Variants in FMO1 observed in about 807,000 individuals in gnomAD.
FMO1 encodes flavin containing dimethylaniline monoxygenase 1, also known as flavin-containing monooxygenase 1.
In FMO1, 36 loss-of-function variants were observed where a neutral mutation model predicts 45.4. That is an observed-to-expected ratio of 0.79 (90% CI 0.61 to 1.05). FMO1 has a LOEUF of 1.05. Ranked by LOEUF, FMO1 falls within the 50% of genes least tolerant of loss-of-function variation. The pLI is 0.00. For synonymous variants in FMO1, 228 were observed against 227.2 expected, an observed-to-expected ratio of 1.00 and a Z score of -0.03; for missense variants, 615 against 640.3, an observed-to-expected ratio of 0.96 and a Z score of 0.43.
chr1:171,263,394 C>G (rs1323119611), intron 2 of FMO1, among the ~76,000 whole-genome samples: 2 of 152,100 alleles, frequency 1.3e-5, no homozygotes, highest in Non-Finnish European at 2.9e-5. Flanking sequence ...GAGTATGAAC[C>G]TAGGCAGTCT....
At chr1:171,275,570 G>A (rs1217497893) in intron 4 of FMO1, 62 bp downstream of exon 4, 3 of 1,238,380 alleles carry the variant, frequency 2.4e-6, no homozygotes, top group Non-Finnish European at 3.5e-6. Flanking sequence ...ATGCTTGATT[G>A]GTCTGGGAAT....
At chr1:171,271,534 A>C (rs780656566) in intron 3 of FMO1, 1 of 840,586 alleles carries the variant, frequency 1.2e-6, no homozygotes, top group Non-Finnish European at 2.1e-6. Flanking sequence ...GTTTGCACAA[A>C]AAATGCATAT....
At chr1:171,254,723 C>T (rs1660075865) in intron 1 of FMO1, among the ~76,000 whole-genome samples, 1 of 152,196 alleles carries the variant, frequency 6.6e-6, no homozygotes, top group African/African-American at 2.4e-5. Flanking sequence ...CCCCTACTCT[C>T]AGTGCTCCCT....
chr1:171,285,050 G>T, intron 8 of FMO1, 152 bp from the exon 9 acceptor site: 1 of 514,502 alleles, frequency 1.9e-6, no homozygotes, highest in Non-Finnish European at 3.4e-6. Flanking sequence ...GAAACAGAAG[G>T]AGACCGTTAG....
At chr1:171,278,928 A>C (rs1211051396) in intron 5 of FMO1, 57 bp downstream of exon 5, 3 of 1,414,786 alleles carry the variant, frequency 2.1e-6, no homozygotes, top group Admixed American at 4.2e-5. Flanking sequence ...TGCCTCAAGC[A>C]AATGGTGTTT....
At chr1:171,248,734 T>A (rs186081547) in intron 1 of FMO1, 111 bp downstream of exon 1, 2 of 152,160 alleles carry the variant, frequency 1.3e-5, no homozygotes, top group Non-Finnish European at 2.9e-5. Flanking sequence ...AGAAAGCAGC[T>A]TTCTCTGTCC....
At chr1:171,257,701 C>A (rs1660218324) in intron 1 of FMO1, 1 of 250,926 alleles carries the variant, frequency 4.0e-6, no homozygotes, top group African/African-American at 2.3e-5. Flanking sequence ...TTGTGTCTGA[C>A]AAGGTGACCT....
intron 7 of FMO1, chr1:171,282,786 G>A (rs1661421647): frequency 7.8e-6 from 2 of 256,592 alleles, no homozygotes; most frequent in Non-Finnish European, 1.5e-5. Context: ...ACAGCTACCT[G>A]TTATTTTGAC....
chr1:171,261,413 C>G (rs868658976), intron 2 of FMO1, among the ~76,000 whole-genome samples: 1 of 152,106 alleles, frequency 6.6e-6, no homozygotes, highest in African/African-American at 2.4e-5. Context: ...AAAACCCTGC[C>G]CTGGCAATGG....
Position 171,249,045 on chromosome 1 carries a change from A to AGT in FMO1, c.-7+422_-7+423insGT, listed in dbSNP as rs1292335864. ...ATAGTTTTTGAAGGGTGACTACCAA[A>AGT]TGTTGGCATTTGGCACAAGTGGGAA... is the stretch of plus-strand genomic sequence containing the variant. On this transcript the variant is annotated intron_variant, in intron 1 of 8. Transcript: ENST00000617670. 4.6e-5 allele frequency among the ~76,000 whole-genome samples: 7 copies of AGT among 151,848 alleles called. No homozygotes were observed. In the East Asian group the frequency reaches 9.8e-4, roughly 21 times the overall value.
At chr1:171,276,720 C>T (rs1480689047) in intron 4 of FMO1, among the ~76,000 whole-genome samples, 1 of 152,174 alleles carries the variant, frequency 6.6e-6, no homozygotes, top group African/African-American at 2.4e-5. Flanking sequence ...GGAGAAATCA[C>T]AGTCTGCATA....
chr1:171,253,893 AGTTGT>A (rs1417726054), intron 1 of FMO1: 20 of 152,196 alleles, frequency 1.3e-4, no homozygotes, highest in Non-Finnish European at 2.4e-4. Context: ...TTTAACAAAA[AGTTGT>A]GTATTTTTTA....
rs1661607645 is a variant in FMO1 at position 171,285,894 on chromosome 1, GA to G, written c.*351del. ...AACTAAAACCCCTTACTTCACAAAT[GA>G]TTGTGTTGTGCTGAAATGGTGCTCT... On this transcript the variant is annotated 3_prime_UTR_variant, in exon 9 of 9. Coordinates refer to ENST00000617670, the MANE Select transcript of FMO1 (RefSeq NM_001282693.2). The G allele has an allele frequency of 5.7e-6, 1 of 175,224 alleles. No homozygotes were observed. Among genetic ancestry groups the G allele is most frequent in the South Asian group, 2.0e-4 (1 of 5,050 alleles). The allele number at this position is 175,224 out of a possible 1,614,324, so 10.9% of individuals were successfully genotyped here.
At chr1:171,254,576 T>C (rs1190293587) in intron 1 of FMO1, among the ~76,000 whole-genome samples, 3 of 152,160 alleles carry the variant, frequency 2.0e-5, no homozygotes, top group African/African-American at 2.4e-5. Flanking sequence ...ACCTTATATA[T>C]ACAGAAGACT....
At chr1:171,272,122 A>G (rs1660897122) in intron 3 of FMO1, among the ~76,000 whole-genome samples, 1 of 152,248 alleles carries the variant, frequency 6.6e-6, no homozygotes, top group African/African-American at 2.4e-5. Flanking sequence ...CCTGCATCCC[A>G]GCTGCTCCAG....
At chr1:171,251,434 G>A (rs1007867155) in intron 1 of FMO1, 1 of 150,992 alleles carries the variant, frequency 6.6e-6, no homozygotes, top group African/African-American at 2.4e-5. Flanking sequence ...GAGGGGCGCT[G>A]CCGCAGTTGG....
chr1:171,253,401 T>C (rs1328695077), intron 1 of FMO1, among the ~76,000 whole-genome samples: 2 of 152,118 alleles, frequency 1.3e-5, no homozygotes, highest in Non-Finnish European at 2.9e-5. Flanking sequence ...GCATGGTGGC[T>C]CATGGCTATG....
At chr1:171,255,066 T>C (rs1163848515) in intron 1 of FMO1, among the ~76,000 whole-genome samples, 1 of 152,246 alleles carries the variant, frequency 6.6e-6, no homozygotes, top group Non-Finnish European at 1.5e-5. Flanking sequence ...GTTTGATGCC[T>C]GAGCTCATCA....
intron 3 of FMO1, chr1:171,270,454 C>A: frequency 2.4e-6 from 1 of 412,916 alleles, no homozygotes; most frequent in Non-Finnish European, 3.3e-6. Context: ...CTAGCTTCCC[C>A]TCCAAAAGAA....
Sources: gnomAD v4.1 joint callset for allele counts (sites outside exome capture counted in the v4.1 genomes callset) on GRCh38, gnomAD v4.1.1 for gene constraint, MANE v1.5 for transcripts, NCBI Gene and HGNC (gene_info 2026-07-23, HGNC 2026-07-21) for gene names.